FDFT1: variants seen among roughly 807,000 people sequenced by gnomAD.
FDFT1 encodes farnesyl-diphosphate farnesyltransferase 1.
FDFT1 carries 68 observed loss-of-function variants against 46.8 expected under a neutral mutation model. The ratio of observed to expected loss-of-function variants is 1.45; its 90% confidence interval spans 1.19 to 1.78. FDFT1 has a LOEUF of 1.78. Ranked by LOEUF, FDFT1 falls within the 40% of genes most tolerant of loss-of-function variation. The probability of loss-of-function intolerance (pLI) is 0.00; values close to 1 mark genes in which losing one functional copy is unlikely to be tolerated. For synonymous variants in FDFT1, 351 were observed against 185.1 expected, an observed-to-expected ratio of 1.90 and a Z score of -7.28; for missense variants, 928 against 524.4, an observed-to-expected ratio of 1.77 and a Z score of -7.52.
chr8:11,823,772 A>G (rs1438507482), intron 4 of FDFT1, among the ~76,000 whole-genome samples: 1 of 151,820 alleles, frequency 6.6e-6, no homozygotes, highest in Admixed American at 6.6e-5. Flanking sequence ...GAGACAGGGT[A>G]TTGCTCTGTC....
At chr8:11,821,726 G>C (rs747916959) in intron 3 of FDFT1, 24 bp from the exon 4 acceptor site, 6 of 1,610,968 alleles carry the variant, frequency 3.7e-6, no homozygotes, top group African/African-American at 1.3e-5. Flanking sequence ...CATGATTTCT[G>C]TGTTTTTACG....
chr8:11,836,749 G>C (rs928252276), intron 7 of FDFT1, among the ~76,000 whole-genome samples: 1 of 152,232 alleles, frequency 6.6e-6, no homozygotes, highest in African/African-American at 2.4e-5. Flanking sequence ...GTATTGAAAA[G>C]TCTTGGCTGG....
intron 3 of FDFT1, among the ~76,000 whole-genome samples, chr8:11,818,924 A>G (rs746424334): frequency 2.0e-5 from 3 of 152,150 alleles, no homozygotes; most frequent in Non-Finnish European, 4.4e-5. Context: ...TTGCCCATTA[A>G]TTGATGCAGT....
At chr8:11,825,427 C>T (rs369819841) in intron 4 of FDFT1, among the ~76,000 whole-genome samples, 2 of 151,358 alleles carry the variant, frequency 1.3e-5, no homozygotes, top group Admixed American at 1.3e-4. Context: ...TTAATTCCAG[C>T]TACTCAGGAA....
chr8:11,810,574 T>C (rs1807572532), intron 3 of FDFT1, among the ~76,000 whole-genome samples: 1 of 152,140 alleles, frequency 6.6e-6, no homozygotes, highest in Non-Finnish European at 1.5e-5. Context: ...TATTAGCTAT[T>C]TGGTCTATTT....
intron 4 of FDFT1, among the ~76,000 whole-genome samples, chr8:11,824,909 G>C (rs111404831): frequency 0.1 from 15,151 of 151,960 alleles, 1,031 homozygotes; most frequent in Non-Finnish European, 0.16. Flanking sequence ...TAATTTTTTT[G>C]TATTTTTAGT....
chr8:11,800,888 G>A (rs960309555), upstream of FDFT1, among the ~76,000 whole-genome samples: 1 of 152,192 alleles, frequency 6.6e-6, no homozygotes, highest in African/African-American at 2.4e-5. Flanking sequence ...GGGTTCCCTT[G>A]GCCGAGGTGG....
intron 7 of FDFT1, among the ~76,000 whole-genome samples, chr8:11,832,313 G>C (rs1363058139): frequency 6.6e-6 from 1 of 151,924 alleles, no homozygotes; most frequent in South Asian, 2.1e-4. Flanking sequence ...CCAGCACTTT[G>C]GGAGACCAAG....
intron 6 of FDFT1, 116 bp downstream of exon 6, chr8:11,830,536 C>G: frequency 1.4e-6 from 1 of 726,640 alleles, no homozygotes; most frequent in Non-Finnish European, 2.3e-6. Flanking sequence ...ACGATGACTC[C>G]AGTTTATTAC....
At chr8:11,834,204 G>T (rs1811234965) in intron 7 of FDFT1, among the ~76,000 whole-genome samples, 1 of 152,214 alleles carries the variant, frequency 6.6e-6, no homozygotes. Flanking sequence ...TGCTTCTCCA[G>T]TGCTTAGTGG....
intron 7 of FDFT1, among the ~76,000 whole-genome samples, chr8:11,833,416 A>G (rs1811128883): frequency 6.6e-6 from 1 of 152,204 alleles, no homozygotes; most frequent in African/African-American, 2.4e-5. Context: ...AGCACTATTT[A>G]TTCATTTTAT....
chr8:11,828,110 G>A (rs1029985003), intron 5 of FDFT1, among the ~76,000 whole-genome samples: 1 of 151,800 alleles, frequency 6.6e-6, no homozygotes, highest in East Asian at 1.9e-4. Flanking sequence ...GCTGATGTGA[G>A]ACTCCATTTA....
upstream of FDFT1, chr8:11,801,616 G>A (rs887575792): frequency 1.8e-5 from 4 of 216,908 alleles, no homozygotes; most frequent in Admixed American, 5.3e-5. Context: ...CACCGCGCTC[G>A]GCTAGACCTG....
intron 1 of FDFT1, chr8:11,808,241 A>G: frequency 1.7e-6 from 2 of 1,193,796 alleles, no homozygotes; most frequent in Non-Finnish European, 2.1e-6. Context: ...AGTTTGGTCT[A>G]GGGAGACTCT....
At chr8:11,830,452 G>C (rs1416719678) in intron 6 of FDFT1, 32 bp downstream of exon 6, 3 of 1,502,450 alleles carry the variant, frequency 2.0e-6, no homozygotes, top group Non-Finnish European at 1.9e-6. Flanking sequence ...GGTGGATACG[G>C]GGCTAAAGGG....
Position 11,831,516 on chromosome 8 carries a change from A to G in FDFT1, c.880-2A>G. On this transcript the variant is annotated splice_acceptor_variant, in intron 6 of 7. Coordinates refer to ENST00000220584, the MANE Select transcript of FDFT1 (RefSeq NM_004462.5). LOFTEE classifies it high-confidence loss of function. ...TTTTCCCTCTCTTCTTGTTGTCTCT[A>G]GGTGATGGCCATTGCCACTTTGGCT... The G allele has an allele frequency of 6.2e-7, 1 of 1,613,572 alleles. No individual in the cohort carries two copies. Among genetic ancestry groups the G allele is most frequent in the Non-Finnish European group, 8.5e-7 (1 of 1,179,628 alleles).
chr8:11,827,924 G>A (rs910128250), intron 5 of FDFT1, among the ~76,000 whole-genome samples: 8 of 151,756 alleles, frequency 5.3e-5, no homozygotes, highest in Admixed American at 3.3e-4. Context: ...AAAATTGGCC[G>A]GGCACAGTGA....
At chr8:11,803,559 C>G (rs753656800) in intron 1 of FDFT1, 7 of 1,027,732 alleles carry the variant, frequency 6.8e-6, no homozygotes, top group South Asian at 1.7e-5. Context: ...CTGCCTCATG[C>G]CTGTACTATT....
At position 11,826,105 on chromosome 8, in the gene FDFT1, G is replaced by C. The variant is rs748267738; in HGVS notation, c.592G>C (p.Gly198Arg). 11 of 1,610,772 alleles carry C rather than the reference G, an allele frequency of 6.8e-6. No homozygotes were observed. The African/African-American group carries it at 1.5e-4, about 22-fold the overall frequency. The change falls in exon 5 of 8, where the codon GGT becomes CGT. Residue 198 changes from glycine to arginine, a missense_variant. Gly to Arg is a moderately radical substitution (Grantham distance 125). Transcript: ENST00000220584. ...SASEFEDPLV[G>R]EDTERANSMG... is the part of the protein sequence containing the mutation. ...CTCAGAGTTTGAAGACCCCTTAGTT[G>C]GTGAAGATACAGAACGTGCCAACTC...
Sources: gnomAD v4.1 joint callset for allele counts (sites outside exome capture counted in the v4.1 genomes callset) on GRCh38, gnomAD v4.1.1 for gene constraint, MANE v1.5 for transcripts, NCBI Gene and HGNC (gene_info 2026-07-23, HGNC 2026-07-21) for gene names.